The following CHRM1 variants were observed in gnomAD, a reference collection of about 807,000 sequenced individuals.
CHRM1 encodes cholinergic receptor muscarinic 1, also known as muscarinic acetylcholine receptor M1.
Under a neutral mutation model 31.6 loss-of-function variants are expected in CHRM1, and 5 were observed. That is an observed-to-expected ratio of 0.16 (90% CI 0.08 to 0.33). CHRM1 has a LOEUF of 0.33. Ranked by LOEUF, CHRM1 falls within the 10% of genes least tolerant of loss-of-function variation. CHRM1 has a pLI of 1.00. For synonymous variants in CHRM1, 227 were observed against 249.7 expected (o/e 0.91, Z 0.86); for missense variants, 338 against 610.3 (o/e 0.55, Z 4.70).
intron 1 of CHRM1, among the ~76,000 whole-genome samples, chr11:62,920,159 T>C (rs2085925208): frequency 6.6e-6 from 1 of 152,162 alleles, no homozygotes; most frequent in Admixed American, 6.5e-5. Context: ...CTGATTACCC[T>C]GAGAAAGGAG....
intron 1 of CHRM1, among the ~76,000 whole-genome samples, chr11:62,913,054 G>A (rs2085880482): frequency 6.6e-6 from 1 of 152,024 alleles, no homozygotes. Flanking sequence ...CTGGCAGTGT[G>A]TGCTTGTGTG....
chr11:62,918,309 T>C (rs541850962), intron 1 of CHRM1: 1 of 152,392 alleles, frequency 6.6e-6, no homozygotes, highest in East Asian at 1.9e-4. Flanking sequence ...ATTCAATGCT[T>C]TATCCCAGGG....
In CHRM1 at chr11:62,909,915, G is replaced by A. The variant is rs1230200604; in HGVS notation, c.1186C>T (p.Pro396Ser). Residue 396 changes from proline to serine, a missense_variant, in exon 2 of 2, where the codon CCC becomes TCC. Pro to Ser is a moderately conservative substitution (Grantham distance 74). Transcript: ENST00000306960. ...TAGCCCAGCTCCCACAGGGTCTCGG[G>A]AACACAGTCCTTGCAGAAGGTGGAC... ...LVSTFCKDCVPETLWELGYWL... is the reference protein window; with the variant it reads ...LVSTFCKDCVSETLWELGYWL... The A allele has an allele frequency of 6.2e-7, 1 of 1,614,106 alleles. No individual in the cohort carries two copies. Among genetic ancestry groups the A allele is most frequent in the Non-Finnish European group, 8.5e-7 (1 of 1,180,050 alleles).
chr11:62,912,765 C>A (rs1399474918), intron 1 of CHRM1, among the ~76,000 whole-genome samples: 1 of 152,224 alleles, frequency 6.6e-6, no homozygotes, highest in East Asian at 1.9e-4. Flanking sequence ...GGGCCTCAGG[C>A]ATCCATCTGA....
At chr11:62,920,421 G>A (rs2085926372) in intron 1 of CHRM1, among the ~76,000 whole-genome samples, 1 of 152,096 alleles carries the variant, frequency 6.6e-6, no homozygotes, top group Non-Finnish European at 1.5e-5. Context: ...TCCCCATGTT[G>A]TGCAGTCTGC....
chr11:62,916,168 G>A (rs951264579), intron 1 of CHRM1, among the ~76,000 whole-genome samples: 4 of 152,068 alleles, frequency 2.6e-5, no homozygotes, highest in African/African-American at 4.8e-5. Flanking sequence ...CCACCATGCC[G>A]CTTCCCCTCC....
At chr11:62,916,198 A>G (rs1223756826) in intron 1 of CHRM1, among the ~76,000 whole-genome samples, 2 of 151,892 alleles carry the variant, frequency 1.3e-5, no homozygotes, top group Non-Finnish European at 2.9e-5. Context: ...GCACGACCCT[A>G]CTCTGCCTCC....
Position 62,908,974 on chromosome 11 carries a change from T to A in CHRM1, c.*744A>T, listed in dbSNP as rs2085851711. ...GCTTCTCTGGGGCAGGGGGTATGGA[T>A]TTGCGGCTGGATAGCAGGCACACTT... On this transcript the variant is annotated 3_prime_UTR_variant, in exon 2 of 2. Transcript: ENST00000306960. 1 of 152,664 alleles carries A rather than the reference T, an allele frequency of 6.6e-6. No individual in the cohort carries two copies. The highest frequency in any genetic ancestry group is 1.5e-5 in the Non-Finnish European group (1 of 68,200). The allele number at this position is 152,664 out of a possible 1,614,324, so 9.5% of individuals were successfully genotyped here.
intron 1 of CHRM1, among the ~76,000 whole-genome samples, chr11:62,912,933 G>A (rs571680735): frequency 6.6e-6 from 1 of 152,354 alleles, no homozygotes; most frequent in Admixed American, 6.5e-5. Context: ...TAGGTGGCCT[G>A]GGTGGTTTGT....
intron 1 of CHRM1, among the ~76,000 whole-genome samples, chr11:62,916,391 T>C (rs1161766079): frequency 6.6e-6 from 1 of 152,196 alleles, no homozygotes; most frequent in Admixed American, 6.5e-5. Context: ...AGATTGCGAA[T>C]ACGGTGCCCA....
At chr11:62,911,951 C>T (rs1471704848) in intron 1 of CHRM1, among the ~76,000 whole-genome samples, 1 of 152,060 alleles carries the variant, frequency 6.6e-6, no homozygotes, top group African/African-American at 2.4e-5. Context: ...TTTTTTTCTG[C>T]ACGTTTTTCT....
At position 62,909,985 on chromosome 11, in the gene CHRM1, C is replaced by T. The variant is rs1443898775; in HGVS notation, c.1116G>A (p.Leu372=). 1 of 1,614,136 alleles carries T rather than the reference C, an allele frequency of 6.2e-7. No individual in the cohort carries two copies. Among genetic ancestry groups the T allele is most frequent in the East Asian group, 2.2e-5 (1 of 44,880 alleles). ...ACGGTGTCCAGGTGAGGATGAAGGC[C>T]AGGAGGATGGCACTCAGGGTCCGAG... ...KAARTLSAIL[L]AFILTWTPYN... is the part of the protein sequence containing the mutation. The change falls in exon 2 of 2, where the codon CTG becomes CTA. Residue 372 remains leucine, a synonymous_variant. Coordinates refer to ENST00000306960, the MANE Select transcript of CHRM1 (RefSeq NM_000738.3).
chr11:62,915,934 C>T (rs563533301), intron 1 of CHRM1, among the ~76,000 whole-genome samples: 9 of 152,138 alleles, frequency 5.9e-5, no homozygotes, highest in South Asian at 2.1e-4. Flanking sequence ...CTCAGCCTCC[C>T]GAGTAGCTGG....
At position 62,912,355 on chromosome 11, in the gene CHRM1, A is replaced by G. The variant is rs56363161; in HGVS notation, c.-78-1177T>C. On this transcript the variant is annotated intron_variant, in intron 1 of 1. Coordinates refer to ENST00000306960, the MANE Select transcript of CHRM1 (RefSeq NM_000738.3). ...TGCACTCCAGCCTGGGCAACAGAGCAAGACTCCATCTCAAAAAAAAAAAAA... is the reference window on the plus strand; with the variant it reads ...TGCACTCCAGCCTGGGCAACAGAGCGAGACTCCATCTCAAAAAAAAAAAAA... 8.4e-3 allele frequency among the ~76,000 whole-genome samples: 1,249 copies of G among 148,304 alleles called. 7 individuals are homozygous for G. The highest frequency in any genetic ancestry group is 0.013 in the Non-Finnish European group (895 of 66,758).
At chr11:62,914,829 T>C (rs2085891898) in intron 1 of CHRM1, among the ~76,000 whole-genome samples, 1 of 152,204 alleles carries the variant, frequency 6.6e-6, no homozygotes, top group African/African-American at 2.4e-5. Context: ...GGCTGCACCC[T>C]GCCCTGCTGC....
At chr11:62,912,323 G>A (rs1055594961) in intron 1 of CHRM1, among the ~76,000 whole-genome samples, 2 of 146,758 alleles carry the variant, frequency 1.4e-5, no homozygotes, top group Middle Eastern at 7.6e-3. Context: ...AGTCAAGACT[G>A]TGCCACTGCA....
chr11:62,914,172 C>A (rs995914385), intron 1 of CHRM1, among the ~76,000 whole-genome samples: 5 of 152,068 alleles, frequency 3.3e-5, no homozygotes, highest in African/African-American at 1.2e-4. Flanking sequence ...TCTTGATCTC[C>A]TGACCTTGTG....
intron 1 of CHRM1, among the ~76,000 whole-genome samples, chr11:62,916,335 G>T (rs1408135804): frequency 6.6e-6 from 1 of 152,228 alleles, no homozygotes; most frequent in Admixed American, 6.5e-5. Flanking sequence ...AAGGCTGAAG[G>T]CTCAACTTAC....
intron 1 of CHRM1, among the ~76,000 whole-genome samples, chr11:62,920,135 A>G (rs1337267718): frequency 1.3e-5 from 2 of 152,224 alleles, no homozygotes; most frequent in Non-Finnish European, 2.9e-5. Context: ...CTCATCTGAC[A>G]GCCCACTGAA....
Sources: gnomAD v4.1 joint callset for allele counts (sites outside exome capture counted in the v4.1 genomes callset) on GRCh38, gnomAD v4.1.1 for gene constraint, MANE v1.5 for transcripts, NCBI Gene and HGNC (gene_info 2026-07-23, HGNC 2026-07-21) for gene names.